The following AGBL1 variants were observed in gnomAD, a reference collection of about 807,000 sequenced individuals.
AGBL1 encodes cytosolic carboxypeptidase 4.
Under a neutral mutation model 118.9 loss-of-function variants are expected in AGBL1, and 130 were observed. That is an observed-to-expected ratio of 1.09 (90% confidence interval 0.95 to 1.26). The LOEUF (loss-of-function observed/expected upper bound fraction) is 1.26. AGBL1 is among the 50% of genes most tolerant of loss of function. AGBL1 has a pLI of 0.00. For missense variants in AGBL1, 1,584 were observed against 1,298.1 expected (o/e 1.22, Z -3.38); for synonymous variants, 555 against 478.9 (o/e 1.16, Z -2.08).
intron 23 of AGBL1, among the ~76,000 whole-genome samples, chr15:86,965,551 A>T (rs967559597): frequency 6.6e-6 from 1 of 151,984 alleles, no homozygotes; most frequent in Non-Finnish European, 1.5e-5. Context: ...AGATGGATAG[A>T]TTGAAAAAAT....
intron 22 of AGBL1, among the ~76,000 whole-genome samples, chr15:86,874,408 A>ACACACACACC (rs1488549369): frequency 2.7e-5 from 4 of 150,822 alleles, no homozygotes; most frequent in East Asian, 1.9e-4. Flanking sequence ...ACACACACAC[A>ACACACACACC]CCCTGGGGCC....
At chr15:86,720,765 TAAAG>T (rs1481311201) in intron 22 of AGBL1, among the ~76,000 whole-genome samples, 2 of 151,784 alleles carry the variant, frequency 1.3e-5, no homozygotes, top group Non-Finnish European at 2.9e-5. Context: ...GCAAGACTAA[TAAAG>T]AAGAAAAGAA....
chr15:86,843,435 G>C (rs957041602), intron 22 of AGBL1, among the ~76,000 whole-genome samples: 9 of 152,194 alleles, frequency 5.9e-5, no homozygotes, highest in East Asian at 1.9e-4. Context: ...AAGAGATAGG[G>C]GTTGGATTTT....
intron 22 of AGBL1, among the ~76,000 whole-genome samples, chr15:86,775,149 G>A (rs148898673): frequency 7.9e-5 from 12 of 152,210 alleles, no homozygotes; most frequent in Admixed American, 3.9e-4. Flanking sequence ...GGGTCAGTGG[G>A]ATATCAATGT....
intron 24 of AGBL1, among the ~76,000 whole-genome samples, chr15:87,018,141 A>G (rs2081626268): frequency 6.6e-6 from 1 of 152,164 alleles, no homozygotes; most frequent in South Asian, 2.1e-4. Flanking sequence ...TGTGCCTACA[A>G]TGGATTGGGG....
rs374001216 is a variant in AGBL1, at chr15:86,264,551, G to C, written c.1380G>C (p.Gln460His). ...DSSESEIPDI[Q>H]ASPKADAWDV... ...CTGAAAGTGAAATCCCTGACATTCAGGCTTCCCCGAAAGCAGATGCCTGGG... is the reference window on the plus strand; with the variant it reads ...CTGAAAGTGAAATCCCTGACATTCACGCTTCCCCGAAAGCAGATGCCTGGG... The change falls in exon 11 of 23, where the codon CAG becomes CAC. Residue 460 changes from glutamine (Q) to histidine (H), a missense_variant. By Grantham distance (24) the Gln-to-His change is conservative. Transcript: ENST00000614907. 6.2e-7 allele frequency: 1 copy of C among 1,613,904 alleles called. No homozygotes were observed. Among genetic ancestry groups the C allele is most frequent in the Non-Finnish European group, 8.5e-7 (1 of 1,179,896 alleles).
intron 21 of AGBL1, among the ~76,000 whole-genome samples, chr15:86,633,676 C>T (rs1227920602): frequency 1.3e-5 from 2 of 151,310 alleles, no homozygotes; most frequent in Non-Finnish European, 2.9e-5. Flanking sequence ...AATGTTAGAA[C>T]TTCTGTCTTA....
At position 86,577,520 on chromosome 15, in the gene AGBL1, A is replaced by G. The variant is rs112647137; in HGVS notation, c.2994+22983A>G. 5.7e-3 allele frequency among the ~76,000 whole-genome samples: 874 copies of G among 152,344 alleles called. 13 individuals carry two copies. Among genetic ancestry groups the G allele is most frequent in the African/African-American group, 0.017 (716 of 41,578 alleles). On this transcript the variant is annotated intron_variant, in intron 21 of 22. Transcript: ENST00000614907. ...ATTCAAGACAGCTGAAGAAATTTGC[A>G]TAAGTAACAAGGAACCAAATGTTAA...
In AGBL1 at chr15:86,548,337, T is replaced by C. The variant is rs761466110; in HGVS notation, c.2817+2204T>C. On this transcript the variant is annotated intron_variant, in intron 20 of 22. Coordinates refer to ENST00000614907, the MANE Select transcript of AGBL1 (RefSeq NM_001386094.1). Reference sequence around the variant, plus strand: ...ACCCTGTTATATTTCACATCCACTCTGCAACATTTATTCAGTTTTATTAAT... The same window carrying C: ...ACCCTGTTATATTTCACATCCACTCCGCAACATTTATTCAGTTTTATTAAT... Among the ~76,000 whole-genome samples, 110 of 152,192 alleles carry C rather than the reference T, an allele frequency of 7.2e-4. 1 individual carries two copies. The highest frequency in any genetic ancestry group is 3.3e-4 in the Admixed American group (5 of 15,274).
intron 5 of AGBL1, among the ~76,000 whole-genome samples, chr15:86,180,295 T>A (rs2077534983): frequency 6.6e-6 from 1 of 152,108 alleles, no homozygotes; most frequent in African/African-American, 2.4e-5. Flanking sequence ...CTTTAAGATT[T>A]ATCATAAAGC....
At chr15:86,417,850 A>C (rs1453483014) in intron 18 of AGBL1, among the ~76,000 whole-genome samples, 1 of 152,214 alleles carries the variant, frequency 6.6e-6, no homozygotes, top group Admixed American at 6.5e-5. Flanking sequence ...CCAAATTGCT[A>C]TTCATGAAGC....
chr15:86,083,617 G>A (rs1895438499), intron 1 of AGBL1: 1 of 152,188 alleles, frequency 6.6e-6, no homozygotes, highest in Non-Finnish European at 1.5e-5. Flanking sequence ...AGTAAGCCAT[G>A]GAACTTAGAT....
At chr15:86,835,254 A>C (rs529066423) in intron 22 of AGBL1, among the ~76,000 whole-genome samples, 1 of 152,194 alleles carries the variant, frequency 6.6e-6, no homozygotes, top group Admixed American at 6.5e-5. Context: ...TTTCACACCT[A>C]GATCAGCCTG....
chr15:86,454,284 C>T (rs2082233850), intron 18 of AGBL1, among the ~76,000 whole-genome samples: 1 of 152,082 alleles, frequency 6.6e-6, no homozygotes. Flanking sequence ...TAATTGTTGC[C>T]AAAAATATAG....
At chr15:86,338,236 A>C (rs1399024561) in intron 17 of AGBL1, among the ~76,000 whole-genome samples, 1 of 152,212 alleles carries the variant, frequency 6.6e-6, no homozygotes, top group Non-Finnish European at 1.5e-5. Flanking sequence ...TAGCAATTGC[A>C]AAAGTGCATT....
intron 22 of AGBL1, among the ~76,000 whole-genome samples, chr15:86,821,771 T>C (rs967828699): frequency 2.6e-5 from 4 of 152,194 alleles, no homozygotes; most frequent in African/African-American, 9.6e-5. Context: ...AATTCTTAAA[T>C]CAATCCTCTG....
At chr15:86,815,622 A>G (rs1488070784) in intron 22 of AGBL1, among the ~76,000 whole-genome samples, 1 of 152,170 alleles carries the variant, frequency 6.6e-6, no homozygotes, top group African/African-American at 2.4e-5. Context: ...AGGAAAGACA[A>G]GCACCCAGGA....
At chr15:86,800,427 G>A (rs1431307161) in intron 22 of AGBL1, among the ~76,000 whole-genome samples, 1 of 151,972 alleles carries the variant, frequency 6.6e-6, no homozygotes, top group Non-Finnish European at 1.5e-5. Context: ...GAGAAAAAAG[G>A]CCCAGAATTT....
intron 23 of AGBL1, chr15:86,939,185 T>A (rs2141650238): frequency 6.6e-6 from 1 of 152,578 alleles, no homozygotes; most frequent in African/African-American, 2.4e-5. Flanking sequence ...CCAAAGGAGA[T>A]TAACATTTGA....
Sources: allele counts gnomAD v4.1 joint callset (sites outside exome capture counted in the v4.1 genomes callset), GRCh38; gene constraint gnomAD v4.1.1; transcripts MANE v1.5; gene names NCBI Gene and HGNC (gene_info 2026-07-23, HGNC 2026-07-21).